The following IL1RL2 variants were observed in gnomAD, a reference collection of about 807,000 sequenced individuals.
IL1RL2 encodes the protein interleukin-1 receptor-like 2.
A neutral mutation model predicts 66.8 loss-of-function variants in IL1RL2; 68 were observed. The observed-to-expected ratio is 1.02, with a 90% confidence interval of 0.84 to 1.25. The LOEUF (loss-of-function observed/expected upper bound fraction) is 1.25. Among genes scored for constraint, IL1RL2 ranks in the 50% most tolerant of loss-of-function variants. IL1RL2 has a pLI of 0.00. For missense variants in IL1RL2, 729 were observed against 709.3 expected (o/e 1.03, Z -0.32); for synonymous variants, 305 against 264.6 (o/e 1.15, Z -1.48).
At chr2:102,231,025 C>A (rs916141384) in intron 9 of IL1RL2, among the ~76,000 whole-genome samples, 1 of 152,196 alleles carries the variant, frequency 6.6e-6, no homozygotes, top group African/African-American at 2.4e-5. Flanking sequence ...GAAAAGGACA[C>A]CACCCCTCTC....
At chr2:102,240,953 C>T (rs113830150), downstream of IL1RL2, among the ~76,000 whole-genome samples, 665 of 152,382 alleles carry the variant, frequency 4.4e-3, 3 homozygotes, top group Non-Finnish European at 7.2e-3. Flanking sequence ...AAGGTCACGC[C>T]TGAGCTCGGC....
At chr2:102,197,971 A>T (rs933131508) in intron 4 of IL1RL2, among the ~76,000 whole-genome samples, 1 of 152,172 alleles carries the variant, frequency 6.6e-6, no homozygotes, top group African/African-American at 2.4e-5. Context: ...CCACTTCCTG[A>T]GTACTTTCAC....
chr2:102,221,738 C>T (rs554976670), intron 8 of IL1RL2, among the ~76,000 whole-genome samples: 1 of 152,258 alleles, frequency 6.6e-6, no homozygotes, highest in East Asian at 1.9e-4. Context: ...ACAGCATTGT[C>T]ACTCAACCTC....
chr2:102,230,616 C>T (rs529279282), intron 9 of IL1RL2, among the ~76,000 whole-genome samples: 1 of 152,358 alleles, frequency 6.6e-6, no homozygotes, highest in South Asian at 2.1e-4. Flanking sequence ...GAGGGCAGGG[C>T]AGGGAGCCAA....
At chr2:102,196,666 A>AG (rs763839285) in intron 4 of IL1RL2, among the ~76,000 whole-genome samples, 4 of 152,196 alleles carry the variant, frequency 2.6e-5, no homozygotes, top group Non-Finnish European at 5.9e-5. Flanking sequence ...TTCCTGGAAA[A>AG]GGTGACTTTG....
chr2:102,200,336 A>G (rs550760967), intron 4 of IL1RL2, among the ~76,000 whole-genome samples: 4 of 152,304 alleles, frequency 2.6e-5, no homozygotes, highest in Non-Finnish European at 5.9e-5. Flanking sequence ...AAATAAACCA[A>G]TGCTTGTTTG....
In IL1RL2 at chr2:102,239,370, C is replaced by T. The variant is rs772591149; in HGVS notation, c.*129C>T. The T allele has an allele frequency of 4.4e-5, 37 of 838,954 alleles. No individual in the cohort carries two copies. The highest frequency in any genetic ancestry group is 6.4e-5 in the Non-Finnish European group (32 of 496,904). The allele number at this position is 838,954 out of a possible 1,614,324, so 52.0% of individuals were successfully genotyped here. A position where few individuals can be genotyped will look rare whatever the true frequency, so the allele number is the denominator to read the frequency against. On this transcript the variant is annotated 3_prime_UTR_variant, in exon 12 of 12. Coordinates refer to ENST00000264257, the MANE Select transcript of IL1RL2 (RefSeq NM_003854.4). ...TTCTAGACACCCAGTTGAGCTCAGGCGTAGAGAAGAGGAGGATGGGATAAG... is the reference window on the plus strand; with the variant it reads ...TTCTAGACACCCAGTTGAGCTCAGGTGTAGAGAAGAGGAGGATGGGATAAG...
At chr2:102,226,759 TGGA>T (rs1392197066) in intron 9 of IL1RL2, among the ~76,000 whole-genome samples, 1 of 142,362 alleles carries the variant, frequency 7.0e-6, no homozygotes, top group Non-Finnish European at 1.5e-5. Flanking sequence ...GGGAGAGAGA[TGGA>T]GGAGAAGGGA....
chr2:102,192,268 G>T, intron 4 of IL1RL2, 148 bp downstream of exon 4: 4 of 512,684 alleles, frequency 7.8e-6, no homozygotes, highest in Non-Finnish European at 1.4e-5. Context: ...CATTGATAAC[G>T]TTACCTTCCT....
chr2:102,194,617 G>A (rs1166697922), intron 4 of IL1RL2, among the ~76,000 whole-genome samples: 1 of 152,156 alleles, frequency 6.6e-6, no homozygotes, highest in Non-Finnish European at 1.5e-5. Flanking sequence ...TTGGATAAAT[G>A]AGTAATTGTG....
chr2:102,218,283 C>T (rs570103683), intron 6 of IL1RL2, among the ~76,000 whole-genome samples: 1 of 152,018 alleles, frequency 6.6e-6, no homozygotes, highest in African/African-American at 2.4e-5. Flanking sequence ...ATTTCACAAT[C>T]ATTTTTTAAA....
intron 8 of IL1RL2, among the ~76,000 whole-genome samples, chr2:102,224,428 G>A (rs1027077957): frequency 6.6e-6 from 1 of 152,122 alleles, no homozygotes; most frequent in African/African-American, 2.4e-5. Context: ...CAAAGTGGAT[G>A]GAACTGGAGG....
intron 1 of IL1RL2, 105 bp from the exon 2 acceptor site, chr2:102,187,751 A>T: frequency 1.0e-6 from 1 of 957,668 alleles, no homozygotes; most frequent in Non-Finnish European, 1.7e-6. Context: ...AGGGAAGGTC[A>T]GCGGCCTGGG....
chr2:102,225,297 G>A (rs138976365), intron 8 of IL1RL2, among the ~76,000 whole-genome samples: 4 of 152,188 alleles, frequency 2.6e-5, no homozygotes, highest in African/African-American at 7.2e-5. Flanking sequence ...TGTGCCTCTC[G>A]CACAGGCACC....
chr2:102,241,322 C>T (rs1258646356), downstream of IL1RL2, among the ~76,000 whole-genome samples: 1 of 152,096 alleles, frequency 6.6e-6, no homozygotes, highest in Non-Finnish European at 1.5e-5. Context: ...GAGGGGACTG[C>T]GGTCATAGGG....
chr2:102,235,349 C>G, intron 11 of IL1RL2, 72 bp downstream of exon 11: 3 of 1,553,558 alleles, frequency 1.9e-6, no homozygotes, highest in Non-Finnish European at 2.6e-6. Flanking sequence ...TGGCTCACAG[C>G]TGGAGGAGGA....
chr2:102,193,721 A>G (rs1444392060), intron 4 of IL1RL2, among the ~76,000 whole-genome samples: 2 of 152,212 alleles, frequency 1.3e-5, no homozygotes, highest in Non-Finnish European at 2.9e-5. Flanking sequence ...GATTTTTAAA[A>G]TCAGTTTGGT....
At chr2:102,224,953 G>A (rs1244162465) in intron 8 of IL1RL2, among the ~76,000 whole-genome samples, 1 of 152,104 alleles carries the variant, frequency 6.6e-6, no homozygotes, top group Non-Finnish European at 1.5e-5. Flanking sequence ...CCACCATCCA[G>A]TGAGGACTGG....
chr2:102,242,037 A>T (rs1340890726), downstream of IL1RL2, among the ~76,000 whole-genome samples: 1 of 152,230 alleles, frequency 6.6e-6, no homozygotes, highest in Non-Finnish European at 1.5e-5. Context: ...ATGAAAACAT[A>T]GAGCAGTTAA....
Sources: allele counts gnomAD v4.1 joint callset (sites outside exome capture counted in the v4.1 genomes callset), GRCh38; gene constraint gnomAD v4.1.1; transcripts MANE v1.5; gene names NCBI Gene and HGNC (gene_info 2026-07-23, HGNC 2026-07-21).